SLC22A24: variants seen among roughly 807,000 people sequenced by gnomAD.
SLC22A24 encodes solute carrier family 22 member 24, also known as steroid transmembrane transporter SLC22A24.
In SLC22A24, 53 loss-of-function variants were observed where a neutral mutation model predicts 49.8. That is an observed-to-expected ratio of 1.06 (90% confidence interval 0.85 to 1.34). The LOEUF (loss-of-function observed/expected upper bound fraction) is 1.34, where lower values mean the gene tolerates loss of function less well. Ranked by LOEUF, SLC22A24 falls within the 40% of genes most tolerant of loss-of-function variation. The pLI, the probability that SLC22A24 is intolerant of heterozygous loss-of-function variation, is 0.00. For synonymous variants in SLC22A24, 302 were observed against 256.4 expected (o/e 1.18, Z -1.70); for missense variants, 786 against 675.9 (o/e 1.16, Z -1.81).
intron 6 of SLC22A24, among the ~76,000 whole-genome samples, chr11:63,094,390 T>C (rs1171955470): frequency 6.6e-6 from 1 of 152,136 alleles, no homozygotes; most frequent in African/African-American, 2.4e-5. Flanking sequence ...TTGTTAGACA[T>C]TTAGATTGGT....
chr11:63,082,377 G>T (rs1036213455), intron 7 of SLC22A24, among the ~76,000 whole-genome samples: 6 of 152,110 alleles, frequency 3.9e-5, no homozygotes, highest in Non-Finnish European at 8.8e-5. Context: ...TATCAAAATA[G>T]GATTTTAAAA....
At chr11:63,133,991 A>G (rs1051525698) in intron 2 of SLC22A24, among the ~76,000 whole-genome samples, 3 of 152,238 alleles carry the variant, frequency 2.0e-5, no homozygotes, top group African/African-American at 7.2e-5. Flanking sequence ...ACAATCTATT[A>G]GAGTAGATTA....
At chr11:63,085,226 G>A (rs908925029) in intron 6 of SLC22A24, among the ~76,000 whole-genome samples, 44 of 151,952 alleles carry the variant, frequency 2.9e-4, no homozygotes, top group Admixed American at 1.3e-3. Context: ...AAAGAATACC[G>A]CATATTACTT....
intron 1 of SLC22A24, among the ~76,000 whole-genome samples, chr11:63,142,174 G>A (rs570203724): frequency 5.9e-5 from 9 of 152,234 alleles, no homozygotes; most frequent in African/African-American, 2.2e-4. Flanking sequence ...GCCCATCCAG[G>A]CCTGCATGAA....
chr11:63,140,059 GTTTTTTTGTTTTT>G (rs1278113096), intron 1 of SLC22A24, among the ~76,000 whole-genome samples: 2 of 133,374 alleles, frequency 1.5e-5, no homozygotes, highest in Non-Finnish European at 3.1e-5. Flanking sequence ...AATAGAGACA[GTTTTTTTGTTTTT>G]TTGTTTTTTT....
intron 6 of SLC22A24, among the ~76,000 whole-genome samples, chr11:63,090,488 C>A (rs1005475965): frequency 7.2e-5 from 11 of 151,906 alleles, no homozygotes; most frequent in Non-Finnish European, 1.5e-4. Flanking sequence ...TGCAAAAGAA[C>A]GGAAATCATA....
intron 7 of SLC22A24, among the ~76,000 whole-genome samples, chr11:63,082,803 G>A (rs1263936061): frequency 6.6e-6 from 1 of 152,234 alleles, no homozygotes. Context: ...AGAGGATATG[G>A]ACAAGTTAGA....
chr11:63,126,798 A>T (rs1158024872), intron 2 of SLC22A24, among the ~76,000 whole-genome samples: 1 of 152,068 alleles, frequency 6.6e-6, no homozygotes, highest in South Asian at 2.1e-4. Flanking sequence ...TGAGCATGGA[A>T]TGTTTTTCCA....
chr11:63,109,340 A>G (rs1225768431), intron 4 of SLC22A24, among the ~76,000 whole-genome samples: 3 of 148,202 alleles, frequency 2.0e-5, no homozygotes, highest in Non-Finnish European at 4.5e-5. Context: ...AGCATGATTT[A>G]TAGTCCTTTG....
At chr11:63,091,640 G>A (rs1158009312) in intron 6 of SLC22A24, among the ~76,000 whole-genome samples, 1 of 152,114 alleles carries the variant, frequency 6.6e-6, no homozygotes, top group Non-Finnish European at 1.5e-5. Flanking sequence ...CACATAAACA[G>A]AACCAATGAC....
At chr11:63,104,091 T>G (rs776291373) in intron 5 of SLC22A24, 84 bp downstream of exon 5, 3 of 1,413,852 alleles carry the variant, frequency 2.1e-6, no homozygotes, top group Non-Finnish European at 2.9e-6. Context: ...AGTCTAATTC[T>G]GTCACTCCAG....
intron 1 of SLC22A24, among the ~76,000 whole-genome samples, chr11:63,136,353 C>G (rs527412338): frequency 1.3e-5 from 2 of 152,152 alleles, no homozygotes; most frequent in Non-Finnish European, 2.9e-5. Flanking sequence ...CTCAGCACTT[C>G]GATGAGATGC....
At chr11:63,084,661 A>G (rs1292523933) in intron 6 of SLC22A24, among the ~76,000 whole-genome samples, 1 of 152,152 alleles carries the variant, frequency 6.6e-6, no homozygotes, top group African/African-American at 2.4e-5. Context: ...ACAGTTACCA[A>G]TGCCCGACCT....
chr11:63,088,693 G>A (rs1376671397), intron 6 of SLC22A24, among the ~76,000 whole-genome samples: 1 of 152,002 alleles, frequency 6.6e-6, no homozygotes, highest in African/African-American at 2.4e-5. Flanking sequence ...AAGGTTGCAG[G>A]AACTGCTAAC....
intron 4 of SLC22A24, among the ~76,000 whole-genome samples, chr11:63,107,157 A>T (rs2087127167): frequency 6.6e-6 from 1 of 152,210 alleles, no homozygotes; most frequent in South Asian, 2.1e-4. Context: ...ATGGCTAGCC[A>T]GTTTTCCCAG....
rs567684871 is a variant in SLC22A24 at position 63,084,347 on chromosome 11, C to T, written c.1071-890G>A. Among the ~76,000 whole-genome samples the T allele has an allele frequency of 4.6e-5, 7 of 152,132 alleles. No homozygotes were observed. In the South Asian group the frequency reaches 8.3e-4, roughly 18 times the overall value. On this transcript the variant is annotated intron_variant, in intron 6 of 9. Transcript: ENST00000612278. ...TAAGGTAGGGATGCCTGTATTTGCT[C>T]GCAGGTTGTATAGGCTCTGAAAGAG... is the stretch of plus-strand genomic sequence containing the variant.
At chr11:63,087,784 C>T (rs1239021040) in intron 6 of SLC22A24, among the ~76,000 whole-genome samples, 2 of 152,082 alleles carry the variant, frequency 1.3e-5, no homozygotes, top group Non-Finnish European at 2.9e-5. Flanking sequence ...GGCAGTTTTC[C>T]CCTGACAGTG....
At chr11:63,107,986 G>A (rs2087133324) in intron 4 of SLC22A24, among the ~76,000 whole-genome samples, 1 of 152,094 alleles carries the variant, frequency 6.6e-6, no homozygotes, top group Non-Finnish European at 1.5e-5. Context: ...TAGGAGTGGT[G>A]AGAGAGGGCA....
At chr11:63,118,805 G>C (rs748934742) in intron 4 of SLC22A24, 107 bp downstream of exon 4, 33 of 1,166,006 alleles carry the variant, frequency 2.8e-5, no homozygotes, top group Non-Finnish European at 4.0e-5. Context: ...TGGACATCAT[G>C]GCTCAGGACT....
Sources: gnomAD v4.1 joint callset for allele counts (sites outside exome capture counted in the v4.1 genomes callset) on GRCh38, gnomAD v4.1.1 for gene constraint, MANE v1.5 for transcripts, NCBI Gene and HGNC (gene_info 2026-07-23, HGNC 2026-07-21) for gene names.